The following ACSS1 variants were observed in gnomAD, a reference collection of about 807,000 sequenced individuals.
ACSS1 encodes acetyl-coenzyme A synthetase 2-like, mitochondrial.
In ACSS1, 42 loss-of-function variants were observed where a neutral mutation model predicts 75.3. That is an observed-to-expected ratio of 0.56 (90% CI 0.44 to 0.72). The LOEUF is 0.72. ACSS1 is among the 30% of genes least tolerant of loss of function. ACSS1 has a pLI of 0.00. For synonymous variants in ACSS1, 380 were observed against 376.8 expected, an observed-to-expected ratio of 1.01 and a Z score of -0.10; for missense variants, 782 against 935.7, an observed-to-expected ratio of 0.84 and a Z score of 2.14.
intron 2 of ACSS1, among the ~76,000 whole-genome samples, chr20:25,034,902 G>T (rs2088884544): frequency 6.8e-6 from 1 of 148,018 alleles, no homozygotes; most frequent in Non-Finnish European, 1.5e-5. Context: ...TTTGTTTTTT[G>T]TTTTTTTTGA....
rs45555143 is a variant in ACSS1 at position 25,009,437 on chromosome 20, C to A, written c.1772-49G>T. On this transcript the variant is annotated intron_variant, in intron 12 of 13. Transcript: ENST00000323482. Reference sequence around the variant, plus strand: ...GATGTATTAAATACTAGACAAGGAGCCAACTCCCGAGGCAGGGTGCTATGC... The same window carrying A: ...GATGTATTAAATACTAGACAAGGAGACAACTCCCGAGGCAGGGTGCTATGC... 4,884 of 1,489,914 alleles carry A rather than the reference C, an allele frequency of 3.3e-3. 128 individuals are homozygous for A. In the African/African-American group the frequency reaches 0.058, roughly 18 times the overall value. 92.3% of individuals were successfully genotyped at this position (1,489,914 alleles called of 1,614,324 possible).
chr20:25,008,052 G>GGGC, intron 13 of ACSS1, 111 bp from the exon 14 acceptor site: 2 of 1,327,110 alleles, frequency 1.5e-6, no homozygotes, highest in Non-Finnish European at 2.0e-6. Flanking sequence ...CCCTCCCGGG[G>GGGC]ATCCACAGTG....
intron 7 of ACSS1, among the ~76,000 whole-genome samples, chr20:25,017,964 GT>G (rs2088549403): frequency 6.6e-6 from 1 of 152,180 alleles, no homozygotes; most frequent in Non-Finnish European, 1.5e-5. Context: ...CCCGCTGTTT[GT>G]TCCCAGTCCA....
intron 2 of ACSS1, chr20:25,032,838 A>C: frequency 5.8e-6 from 2 of 343,240 alleles, no homozygotes; most frequent in Non-Finnish European, 8.3e-6. Flanking sequence ...AGGGGACCAC[A>C]TGAGAACCAG....
intron 10 of ACSS1, 94 bp from the exon 11 acceptor site, chr20:25,013,033 G>A (rs936014868): frequency 2.4e-5 from 38 of 1,569,124 alleles, no homozygotes; most frequent in Middle Eastern, 3.6e-4. Flanking sequence ...CCCAGCACGC[G>A]GCTGAAGTCT....
intron 5 of ACSS1, among the ~76,000 whole-genome samples, chr20:25,022,440 G>A (rs111550373): frequency 6.6e-6 from 1 of 152,154 alleles, no homozygotes; most frequent in Non-Finnish European, 1.5e-5. Context: ...CAGTGCCCAC[G>A]GATGCTCATA....
chr20:25,057,044 A>G (rs1007993303), intron 1 of ACSS1, among the ~76,000 whole-genome samples: 6 of 152,164 alleles, frequency 3.9e-5, no homozygotes, highest in Admixed American at 2.0e-4. Context: ...AGTTCCAAAC[A>G]ACTGACCACC....
At chr20:25,049,877 C>G (rs947818924) in intron 1 of ACSS1, among the ~76,000 whole-genome samples, 5 of 152,052 alleles carry the variant, frequency 3.3e-5, no homozygotes, top group African/African-American at 9.7e-5. Context: ...CAGTTCTTCA[C>G]CAGGCGGTGA....
intron 12 of ACSS1, chr20:25,010,271 C>T (rs1030222524): frequency 2.0e-5 from 3 of 152,386 alleles, no homozygotes; most frequent in Non-Finnish European, 2.9e-5. Flanking sequence ...TGTGTCGTTT[C>T]CTTGGTGATC....
Position 25,007,768 on chromosome 20 carries a change from A to G in ACSS1, c.2064T>C (p.Ala688=). The change falls in exon 14 of 14, where the codon GCT becomes GCC. Residue 688 remains alanine, a synonymous_variant. Transcript: ENST00000323482. ...AGCCCCACAAGGTGCCAGCTCACTTAGCAGCAGCCTGCTTGTCCTTGCACT... is the reference window on the plus strand; with the variant it reads ...AGCCCCACAAGGTGCCAGCTCACTTGGCAGCAGCCTGCTTGTCCTTGCACT... ...YQKCKDKQAA[A]K is the part of the protein sequence containing the mutation. 1 of 1,614,000 alleles carries G rather than the reference A, an allele frequency of 6.2e-7. No homozygotes were observed. The highest frequency in any genetic ancestry group is 1.1e-5 in the South Asian group (1 of 91,074).
At chr20:25,015,588 T>G (rs2088503486) in intron 7 of ACSS1, among the ~76,000 whole-genome samples, 10 of 152,220 alleles carry the variant, frequency 6.6e-5, no homozygotes, top group Admixed American at 6.5e-4. Context: ...TGAGCTGCTG[T>G]GCCCAGCCAA....
intron 1 of ACSS1, among the ~76,000 whole-genome samples, chr20:25,054,013 G>C (rs928607405): frequency 2.0e-5 from 3 of 152,228 alleles, no homozygotes; most frequent in African/African-American, 2.4e-5. Flanking sequence ...AATTTCACAG[G>C]TGGGAAAGAA....
chr20:25,040,495 C>A (rs2122723150), intron 2 of ACSS1, among the ~76,000 whole-genome samples: 2 of 152,366 alleles, frequency 1.3e-5, no homozygotes, highest in Middle Eastern at 3.4e-3. Flanking sequence ...ACTTTCCTTG[C>A]CTCTTGGCAG....
At chr20:25,016,283 G>A (rs2122609967) in intron 7 of ACSS1, among the ~76,000 whole-genome samples, 1 of 152,292 alleles carries the variant, frequency 6.6e-6, no homozygotes, top group Non-Finnish European at 1.5e-5. Flanking sequence ...TAACTGGGAG[G>A]AGCCATAAGG....
intron 2 of ACSS1, among the ~76,000 whole-genome samples, chr20:25,043,199 C>T (rs2089033185): frequency 6.6e-6 from 1 of 152,198 alleles, no homozygotes. Context: ...CTTCCTCTGC[C>T]TCTCAAAACT....
chr20:25,013,510 G>A (rs773916676), intron 10 of ACSS1, 26 bp downstream of exon 10: 1 of 1,568,942 alleles, frequency 6.4e-7, no homozygotes, highest in Non-Finnish European at 8.7e-7. Flanking sequence ...GAAAAGGAAT[G>A]AGAGGGTCCC....
At chr20:25,023,723 G>A (rs2088668196) in intron 3 of ACSS1, 82 bp from the exon 4 acceptor site, 8 of 1,344,550 alleles carry the variant, frequency 5.9e-6, no homozygotes, top group Non-Finnish European at 8.0e-6. Flanking sequence ...AGGACATCCA[G>A]GCCTAGGAGT....
intron 2 of ACSS1, among the ~76,000 whole-genome samples, chr20:25,033,136 G>A (rs2088855324): frequency 7.6e-6 from 1 of 131,502 alleles, no homozygotes; most frequent in African/African-American, 3.1e-5. Context: ...GCTGAAGAGG[G>A]AGCCGTGGTC....
At position 25,007,519 on chromosome 20, in the gene ACSS1, C is replaced by T. The variant is rs1485214167; in HGVS notation, c.*243G>A. On this transcript the variant is annotated 3_prime_UTR_variant, in exon 14 of 14. Coordinates refer to ENST00000323482, the MANE Select transcript of ACSS1 (RefSeq NM_032501.4). ...TGCCTTTTCATTCCAGGAAACCAAA[C>T]TCAGATGGCAGAACCAGCCCTAGCC... is the stretch of plus-strand genomic sequence containing the variant. 2 of 1,321,244 alleles carry T rather than the reference C, an allele frequency of 1.5e-6. No individual in the cohort carries two copies. Among genetic ancestry groups the T allele is most frequent in the African/African-American group, 1.5e-5 (1 of 67,180 alleles). The allele number at this position is 1,321,244 out of a possible 1,614,324, so 81.8% of individuals were successfully genotyped here.
Sources: gnomAD v4.1 joint callset for allele counts (sites outside exome capture counted in the v4.1 genomes callset) on GRCh38, gnomAD v4.1.1 for gene constraint, MANE v1.5 for transcripts, NCBI Gene and HGNC (gene_info 2026-07-23, HGNC 2026-07-21) for gene names.